Variants in SMG1 observed in about 807,000 individuals in gnomAD.
SMG1 encodes the protein serine/threonine-protein kinase SMG1.
In SMG1, 22 loss-of-function variants were observed where a neutral mutation model predicts 419.9. The ratio of observed to expected loss-of-function variants is 0.05; its 90% CI spans 0.04 to 0.07. The LOEUF (loss-of-function observed/expected upper bound fraction) is 0.07, where lower values mean the gene tolerates loss of function less well. Among genes scored for constraint, SMG1 ranks in the 10% least tolerant of loss-of-function variants. SMG1 has a pLI of 1.00. For synonymous variants in SMG1, 1,538 were observed against 1,553.5 expected (o/e 0.99, Z 0.23); for missense variants, 3,185 against 4,342.0 (o/e 0.73, Z 7.49).
At chr16:18,858,746 C>T (rs549146210) in intron 28 of SMG1, 2 of 278,502 alleles carry the variant, frequency 7.2e-6, no homozygotes, top group African/African-American at 2.2e-5. Flanking sequence ...TTACGTAATC[C>T]GCCTAAAGGA....
chr16:18,860,890 T>C, intron 25 of SMG1, 114 bp from the exon 26 acceptor site: 1 of 529,692 alleles, frequency 1.9e-6, no homozygotes, highest in Non-Finnish European at 3.3e-6. Context: ...ACAGCATTTT[T>C]CTGACAAAAT....
chr16:18,848,396 C>CA lies in SMG1; in HGVS notation c.5624-364dup, dbSNP rs2034391600. ...ACAGTGGCACAATCTCGGCTCACTGCAACCTGTCTCCTGGGTTCAAGTGAT... is the reference window on the plus strand; with the variant it reads ...ACAGTGGCACAATCTCGGCTCACTGCAAACCTGTCTCCTGGGTTCAAGTGAT... On this transcript the variant is annotated intron_variant, in intron 36 of 62. Transcript: ENST00000446231. Among the ~76,000 whole-genome samples the CA allele has an allele frequency of 2.7e-5, 4 of 150,914 alleles. No individual in the cohort carries two copies. In the South Asian group the frequency reaches 8.4e-4, roughly 32 times the overall value.
intron 6 of SMG1, among the ~76,000 whole-genome samples, chr16:18,886,859 C>T (rs1185710466): frequency 6.6e-6 from 1 of 152,120 alleles, no homozygotes; most frequent in African/African-American, 2.4e-5. Flanking sequence ...ATAATCTACA[C>T]AGGCACAGAC....
Position 18,811,755 on chromosome 16 carries a change from G to A in SMG1, c.10908+6C>T, listed in dbSNP as rs767923154. The A allele has an allele frequency of 1.9e-6, 3 of 1,612,336 alleles. No individual in the cohort carries two copies. Among genetic ancestry groups the A allele is most frequent in the Non-Finnish European group, 2.5e-6 (3 of 1,178,608 alleles). ...AATGTGTAGCCCAAGTTTAAAACAC[G>A]GTCACCTGTTCAGCAACTGACATCC... On this transcript the variant is annotated splice_donor_region_variant and intron_variant, in intron 62 of 62. Transcript: ENST00000446231.
At chr16:18,848,059 A>G (rs1405967636) in intron 36 of SMG1, 26 bp from the exon 37 acceptor site, 1 of 1,586,868 alleles carries the variant, frequency 6.3e-7, no homozygotes, top group East Asian at 2.2e-5. Flanking sequence ...AGAACAAGGA[A>G]TATTTTGAAC....
At chr16:18,895,861 G>C (rs1198691648) in intron 3 of SMG1, among the ~76,000 whole-genome samples, 191 bp downstream of exon 3, 2 of 152,168 alleles carry the variant, frequency 1.3e-5, no homozygotes, top group African/African-American at 4.8e-5. Context: ...TTCTAATCTT[G>C]TTTTAAGAGG....
At chr16:18,812,519 G>T (rs1176422773) in intron 60 of SMG1, among the ~76,000 whole-genome samples, 1 of 150,354 alleles carries the variant, frequency 6.7e-6, no homozygotes, top group African/African-American at 2.4e-5. Context: ...TGATATTTTG[G>T]GTATCCACGT....
intron 1 of SMG1, among the ~76,000 whole-genome samples, chr16:18,920,738 G>A (rs912272612): frequency 3.9e-5 from 6 of 151,972 alleles, no homozygotes; most frequent in Non-Finnish European, 8.8e-5. Context: ...CTATTGGGAG[G>A]GTGAGGTAGG....
chr16:18,827,154 C>T (rs1036527427), intron 55 of SMG1, among the ~76,000 whole-genome samples: 4 of 151,904 alleles, frequency 2.6e-5, no homozygotes, highest in East Asian at 1.9e-4. Flanking sequence ...AGGCCGGGTG[C>T]GGTGGCTCAA....
chr16:18,914,580 A>T (rs543733374), intron 1 of SMG1, among the ~76,000 whole-genome samples: 46 of 152,230 alleles, frequency 3.0e-4, no homozygotes, highest in African/African-American at 1.1e-3. Context: ...GCTACTCAGG[A>T]GGCTGAGGTA....
intron 1 of SMG1, among the ~76,000 whole-genome samples, chr16:18,906,460 G>A (rs545076110): frequency 1.3e-5 from 2 of 152,210 alleles, no homozygotes; most frequent in East Asian, 3.9e-4. Context: ...TCCAGAGCCT[G>A]GGCAATAATA....
In SMG1 at chr16:18,876,218, T is replaced by C. The variant is rs1567410751; in HGVS notation, c.1796A>G (p.Asn599Ser). The change falls in exon 13 of 63, where the codon AAT becomes AGT. Residue 599 changes from asparagine to serine, a missense_variant. Coordinates refer to ENST00000446231, the MANE Select transcript of SMG1 (RefSeq NM_015092.5). ...TGCATTGTCTACATTGAACACATGA[T>C]TCTTAAAAGCCTCATGTTTTATTTC... ...CSEIKHEAFK[N>S]HVFNVDNAKF... 1.2e-6 allele frequency: 2 copies of C among 1,611,790 alleles called. No homozygotes were observed. Among genetic ancestry groups the C allele is most frequent in the South Asian group, 2.2e-5 (2 of 90,992 alleles).
At chr16:18,858,845 C>T in intron 28 of SMG1, 177 bp downstream of exon 28, 1 of 520,316 alleles carries the variant, frequency 1.9e-6, no homozygotes, top group Non-Finnish European at 3.3e-6. Flanking sequence ...CAGGTTCTTC[C>T]ATCTGCCCCA....
chr16:18,828,368 T>C, intron 54 of SMG1, among the ~76,000 whole-genome samples, 200 bp from the exon 55 acceptor site: 1 of 152,158 alleles, frequency 6.6e-6, no homozygotes, highest in East Asian at 1.9e-4. Flanking sequence ...AGGTAGAACA[T>C]GGCTAATAAA....
intron 62 of SMG1, among the ~76,000 whole-genome samples, chr16:18,809,947 T>G (rs561426538): frequency 6.6e-6 from 1 of 151,972 alleles, no homozygotes; most frequent in South Asian, 2.1e-4. Flanking sequence ...AAATCTCTCA[T>G]GGTTTTTGAC....
At chr16:18,882,833 G>C (rs1158838235) in intron 9 of SMG1, among the ~76,000 whole-genome samples, 2 of 152,170 alleles carry the variant, frequency 1.3e-5, no homozygotes, top group Non-Finnish European at 2.9e-5. Context: ...AAAAGGACAA[G>C]ATTCGCAAAA....
At chr16:18,846,534 A>G (rs1369291345) in intron 38 of SMG1, among the ~76,000 whole-genome samples, 1 of 152,218 alleles carries the variant, frequency 6.6e-6, no homozygotes, top group Non-Finnish European at 1.5e-5. Context: ...CAATAAAAAA[A>G]CAAAAAACCC....
rs1250911140 is a variant in SMG1, at chr16:18,919,667, C to T, written c.92+6283G>A. ...GTGTGTGTGTATATATACACACACA[C>T]ACACACACACACACACACACACACA... On this transcript the variant is annotated intron_variant, in intron 1 of 62. Coordinates refer to ENST00000446231, the MANE Select transcript of SMG1 (RefSeq NM_015092.5). 2.9e-3 allele frequency among the ~76,000 whole-genome samples: 269 copies of T among 92,948 alleles called. 4 individuals carry two copies. The highest frequency in any genetic ancestry group is 6.4e-3 in the African/African-American group (130 of 20,266). 61.0% of individuals were successfully genotyped at this position (92,948 alleles called of 152,430 possible).
At chr16:18,865,125 A>G (rs2035430323) in intron 23 of SMG1, among the ~76,000 whole-genome samples, 1 of 152,256 alleles carries the variant, frequency 6.6e-6, no homozygotes, top group Non-Finnish European at 1.5e-5. Flanking sequence ...GAAATTGGAT[A>G]GCATCAACAA....
Sources: allele counts gnomAD v4.1 joint callset (sites outside exome capture counted in the v4.1 genomes callset), GRCh38; gene constraint gnomAD v4.1.1; transcripts MANE v1.5; gene names NCBI Gene and HGNC (gene_info 2026-07-23, HGNC 2026-07-21).